The following KTN1 variants were observed in gnomAD, a reference collection of about 807,000 sequenced individuals.
The protein encoded by KTN1 is kinectin 1, also known as kinectin.
In KTN1, 130 loss-of-function variants were observed where a neutral mutation model predicts 222.5. That is an observed-to-expected ratio of 0.58 (90% CI 0.51 to 0.68). KTN1 has a LOEUF of 0.68. Ranked by LOEUF, KTN1 falls within the 30% of genes least tolerant of loss-of-function variation. KTN1 has a pLI of 0.00. For synonymous variants in KTN1, 512 were observed against 496.3 expected (o/e 1.03, Z -0.42); for missense variants, 1,508 against 1,500.4 (o/e 1.01, Z -0.08).
chr14:55,651,716 A>G, intron 24 of KTN1, 174 bp from the exon 25 acceptor site: 1 of 541,922 alleles, frequency 1.8e-6, no homozygotes, highest in East Asian at 3.1e-5. Context: ...TAGTTTATTA[A>G]TTTTCCTGTT....
Position 55,616,629 on chromosome 14 carries a change from A to G in KTN1, c.636A>G (p.Ser212=), listed in dbSNP as rs761810937. Reference sequence around the variant, plus strand: ...GTGGATCAGGGAAGAAGAAAGCTTCATCAAAGAAACAAAAGACAGAAAATG... The same window carrying G: ...GTGGATCAGGGAAGAAGAAAGCTTCGTCAAAGAAACAAAAGACAGAAAATG... ...QESGSGKKKA[S]SKKQKTENVF... Residue 212 remains serine (S), a synonymous_variant, in exon 3 of 44, where the codon TCA becomes TCG. Transcript: ENST00000395314. 6.3e-7 allele frequency: 1 copy of G among 1,596,466 alleles called. No homozygotes were observed. The highest frequency in any genetic ancestry group is 2.2e-5 in the East Asian group (1 of 44,766).
chr14:55,665,454 G>T (rs2044621016), intron 33 of KTN1, among the ~76,000 whole-genome samples: 1 of 151,936 alleles, frequency 6.6e-6, no homozygotes, highest in African/African-American at 2.4e-5. Flanking sequence ...ACAGAGAATA[G>T]AATTGAAAGT....
chr14:55,644,155 C>G (rs2042063915), intron 18 of KTN1: 3 of 407,206 alleles, frequency 7.4e-6, no homozygotes, highest in African/African-American at 6.1e-5. Context: ...ATTTCTGTGG[C>G]TTTTCCTCTA....
intron 28 of KTN1, among the ~76,000 whole-genome samples, chr14:55,655,614 G>A (rs1471060913): frequency 6.6e-6 from 1 of 152,128 alleles, no homozygotes; most frequent in Non-Finnish European, 1.5e-5. Flanking sequence ...GATAGAGTAA[G>A]ATTTACGTCA....
At position 55,678,492 on chromosome 14, in the gene KTN1, C is replaced by G. The variant is rs780710387; in HGVS notation, c.3948+48C>G. On this transcript the variant is annotated intron_variant, in intron 42 of 43. Coordinates refer to ENST00000395314, the MANE Select transcript of KTN1 (RefSeq NM_001079521.2). The stretch of plus-strand genomic sequence containing the variant: ...GATCTCTGAGCTAGTTACCTTGTGA[C>G]CTGTGTAAAGAACAAAAATGTATAA... 3.3e-6 allele frequency: 4 copies of G among 1,206,946 alleles called. No homozygotes were observed. The East Asian group carries it at 9.3e-5, about 28-fold the overall frequency. The allele number at this position is 1,206,946 out of a possible 1,614,324, so 74.8% of individuals were successfully genotyped here. A position where few individuals can be genotyped will look rare whatever the true frequency, so the allele number is the denominator to read the frequency against.
chr14:55,622,577 T>G (rs2039301080), intron 5 of KTN1, among the ~76,000 whole-genome samples: 1 of 152,204 alleles, frequency 6.6e-6, no homozygotes, highest in Non-Finnish European at 1.5e-5. Flanking sequence ...TGCATTTAAC[T>G]GTCTTTATTC....
intron 37 of KTN1, 154 bp from the exon 38 acceptor site, chr14:55,672,476 G>A: frequency 1.8e-6 from 1 of 547,020 alleles, no homozygotes; most frequent in Non-Finnish European, 3.3e-6. Flanking sequence ...AGTTCAATGT[G>A]ACTCATTTTT....
chr14:55,631,827 A>G (rs1396932706), intron 7 of KTN1, among the ~76,000 whole-genome samples: 2 of 152,086 alleles, frequency 1.3e-5, no homozygotes, highest in Non-Finnish European at 2.9e-5. Context: ...CTTGCATTCA[A>G]TTCTTAGACA....
At chr14:55,677,305 C>T (rs1363838557) in intron 41 of KTN1, among the ~76,000 whole-genome samples, 14 of 151,926 alleles carry the variant, frequency 9.2e-5, no homozygotes, top group Admixed American at 3.9e-4. Flanking sequence ...GTGAAACCCC[C>T]GTCTCTACTA....
chr14:55,634,482 T>C (rs757816995), intron 8 of KTN1, 44 bp from the exon 9 acceptor site: 3 of 1,529,354 alleles, frequency 2.0e-6, no homozygotes, highest in African/African-American at 1.4e-5. Flanking sequence ...TTCTTATATA[T>C]ATTTGTAATA....
Position 55,639,195 on chromosome 14 carries a change from C to T in KTN1, c.1796C>T (p.Ser599Leu), listed in dbSNP as rs1284745677. 6.2e-7 allele frequency: 1 copy of T among 1,604,350 alleles called. No homozygotes were observed. Among genetic ancestry groups the T allele is most frequent in the Non-Finnish European group, 8.5e-7 (1 of 1,171,930 alleles). Residue 599 changes from serine (S) to leucine (L), a missense_variant, in exon 13 of 44, where the codon TCA (serine) becomes TTA (leucine). Coordinates refer to ENST00000395314, the MANE Select transcript of KTN1 (RefSeq NM_001079521.2). ...ATTTTTCTTTCTTAGACCTCCGCTT[C>T]AGTTCTAGCAGAAGAATTACATAAA... is the stretch of plus-strand genomic sequence containing the variant. ...HSQIAAQTSA[S>L]VLAEELHKVI... is the part of the protein sequence containing the mutation.
At chr14:55,595,621 A>T (rs1402979327) in intron 1 of KTN1, among the ~76,000 whole-genome samples, 9 of 152,222 alleles carry the variant, frequency 5.9e-5, no homozygotes, top group African/African-American at 1.9e-4. Context: ...TACATTGTTA[A>T]GATACTTTCT....
intron 5 of KTN1, among the ~76,000 whole-genome samples, chr14:55,626,918 C>T (rs1427795443): frequency 1.3e-5 from 2 of 151,496 alleles, no homozygotes; most frequent in African/African-American, 4.8e-5. Context: ...TTCCTGCTTG[C>T]AATCTTTGCA....
chr14:55,618,050 G>A lies in KTN1; in HGVS notation c.748G>A (p.Glu250Lys), dbSNP rs369421121. The A allele has an allele frequency of 6.2e-7, 1 of 1,612,614 alleles. No individual in the cohort carries two copies. The highest frequency in any genetic ancestry group is 8.5e-7 in the Non-Finnish European group (1 of 1,179,118). ...CTCAAGTCCTGTGGTAGATAAGAGA[G>A]AGGTTATTGATTTGCTTAAACCTGA... ...ADSSPVVDKR[E>K]VIDLLKPDQV... Residue 250 changes from glutamate (E) to lysine (K), a missense_variant, in exon 4 of 44, where the codon GAG (glutamate) becomes AAG (lysine). Glu to Lys is a moderately conservative substitution (Grantham distance 56). Transcript: ENST00000395314.
At position 55,634,528 on chromosome 14, in the gene KTN1, A is replaced by G. The variant is rs769902325; in HGVS notation, c.1331A>G (p.Gln444Arg). The G allele has an allele frequency of 2.9e-5, 46 of 1,604,806 alleles. 1 individual carries two copies. Among genetic ancestry groups the G allele is most frequent in the Non-Finnish European group, 3.8e-5 (45 of 1,177,338 alleles). Reference protein sequence around the residue: ...SNTTNQLESKQSAELNKLRQD... With the variant: ...SNTTNQLESKRSAELNKLRQD... ...CCTAATCCAGTTACTGTTTTCAGGC[A>G]GTCTGCAGAACTAAATAAACTACGC... Residue 444 changes from glutamine (Q) to arginine (R), a missense_variant and splice_region_variant, in exon 9 of 44, where the codon CAG (glutamine) becomes CGG (arginine). By Grantham distance (43) the Gln-to-Arg change is conservative. Transcript: ENST00000395314.
intron 40 of KTN1, chr14:55,673,745 A>G (rs1301364617): frequency 6.6e-6 from 1 of 152,318 alleles, no homozygotes; most frequent in Non-Finnish European, 1.5e-5. Context: ...CAAATATTAA[A>G]AAGCGTATAA....
At chr14:55,676,571 T>G (rs989272017) in intron 41 of KTN1, among the ~76,000 whole-genome samples, 8 of 152,164 alleles carry the variant, frequency 5.3e-5, no homozygotes, top group Non-Finnish European at 8.8e-5. Flanking sequence ...ACTTAAATTT[T>G]GATAGTATAA....
intron 34 of KTN1, among the ~76,000 whole-genome samples, chr14:55,669,126 C>A: frequency 6.6e-6 from 1 of 151,592 alleles, no homozygotes; most frequent in Non-Finnish European, 1.5e-5. Flanking sequence ...GGAAATAATA[C>A]TGGGGGATGT....
chr14:55,669,844 C>G (rs3783654), intron 34 of KTN1, among the ~76,000 whole-genome samples: 2 of 151,718 alleles, frequency 1.3e-5, no homozygotes, highest in Admixed American at 6.6e-5. Context: ...TTGATAGTTT[C>G]CAGAGAATCC....
Sources: gnomAD v4.1 joint callset for allele counts (sites outside exome capture counted in the v4.1 genomes callset) on GRCh38, gnomAD v4.1.1 for gene constraint, MANE v1.5 for transcripts, NCBI Gene and HGNC (gene_info 2026-07-23, HGNC 2026-07-21) for gene names.